The following ADRA1A variants were observed in gnomAD, a reference collection of about 807,000 sequenced individuals.
ADRA1A encodes the protein adrenoceptor alpha 1A, also known as alpha-1A adrenergic receptor.
Under a neutral mutation model 29.6 loss-of-function variants are expected in ADRA1A, and 31 were observed. That is an observed-to-expected ratio of 1.05 (90% CI 0.79 to 1.41). ADRA1A has a LOEUF of 1.41. ADRA1A is among the 40% of genes most tolerant of loss of function. The pLI is 0.00. For missense variants in ADRA1A, 619 were observed against 601.1 expected, an observed-to-expected ratio of 1.03 and a Z score of -0.31; for synonymous variants, 311 against 254.3, an observed-to-expected ratio of 1.22 and a Z score of -2.12.
At position 26,832,721 on chromosome 8, in the gene ADRA1A, C is replaced by T. The variant is rs565658439; in HGVS notation, c.883+31366G>A. The stretch of plus-strand genomic sequence containing the variant: ...AGGCTCTGGGAAGTAGACTCTGAGA[C>T]GGAGGTTTGCCTGCAGGAGGATGTG... On this transcript the variant is annotated intron_variant, in intron 2 of 2. Transcript: ENST00000380573. 9.7e-4 allele frequency among the ~76,000 whole-genome samples: 147 copies of T among 152,232 alleles called. 3 individuals are homozygous for T. The South Asian group carries it at 0.029, about 30-fold the overall frequency.
intron 2 of ADRA1A, among the ~76,000 whole-genome samples, chr8:26,758,581 A>T (rs988334534): frequency 2.0e-5 from 3 of 152,210 alleles, no homozygotes; most frequent in Non-Finnish European, 4.4e-5. Context: ...AAGAGAGGTC[A>T]CGTGATTTGT....
At chr8:26,752,085 T>C (rs73229692), downstream of ADRA1A, among the ~76,000 whole-genome samples, 10,764 of 152,090 alleles carry the variant, frequency 0.071, 412 homozygotes, top group African/African-American at 0.079. Context: ...GTTTTTTTTT[T>C]CCAGAGAGCT....
intron 2 of ADRA1A, among the ~76,000 whole-genome samples, chr8:26,758,536 T>C (rs1805322949): frequency 6.6e-6 from 1 of 152,214 alleles, no homozygotes; most frequent in African/African-American, 2.4e-5. Flanking sequence ...CAATTGTATC[T>C]GCTAATCCCA....
At chr8:26,837,644 C>G (rs1482330264) in intron 2 of ADRA1A, among the ~76,000 whole-genome samples, 1 of 117,524 alleles carries the variant, frequency 8.5e-6, no homozygotes, top group Non-Finnish European at 1.8e-5. Context: ...GAGAGAGACT[C>G]TGTCTCAAAA....
At chr8:26,863,209 C>T (rs773276042) in intron 2 of ADRA1A, among the ~76,000 whole-genome samples, 5 of 152,184 alleles carry the variant, frequency 3.3e-5, no homozygotes, top group Non-Finnish European at 5.9e-5. Flanking sequence ...AAATAGCACA[C>T]AACCATTTTG....
rs1032439611 is a variant in ADRA1A at position 26,769,445 on chromosome 8, G to T, written c.*704C>A. The stretch of plus-strand genomic sequence containing the variant: ...TGGGAAAAGCCATACCACCCTGGTT[G>T]GTTCTTTCAACCCTCTCCTGACCCA... On this transcript the variant is annotated 3_prime_UTR_variant, in exon 3 of 3. Transcript: ENST00000380573. The T allele has an allele frequency of 9.3e-5, 92 of 985,290 alleles. No individual in the cohort carries two copies. Among genetic ancestry groups the T allele is most frequent in the Non-Finnish European group, 1.1e-4 (91 of 829,930 alleles). The allele number at this position is 985,290 out of a possible 1,614,324, so 61.0% of individuals were successfully genotyped here. A position where few individuals can be genotyped will look rare whatever the true frequency, so the allele number is the denominator to read the frequency against.
intron 2 of ADRA1A, chr8:26,756,996 G>A (rs1484313862): frequency 8.2e-6 from 6 of 735,388 alleles, no homozygotes; most frequent in Admixed American, 2.0e-5. Context: ...GTCACATTCT[G>A]CTCCCTGTGA....
intron 2 of ADRA1A, among the ~76,000 whole-genome samples, chr8:26,826,347 T>C (rs1359792511): frequency 6.6e-6 from 1 of 152,230 alleles, no homozygotes; most frequent in African/African-American, 2.4e-5. Flanking sequence ...GCAAAGGCCT[T>C]GGAGTGACCT....
chr8:26,763,270 C>A (rs1805609037), downstream of ADRA1A, among the ~76,000 whole-genome samples: 1 of 152,166 alleles, frequency 6.6e-6, no homozygotes, highest in Admixed American at 6.5e-5. The surrounding 1 kb of genome is among the most constrained non-coding windows in gnomAD (Gnocchi z 4.5). Flanking sequence ...CCCTGAAATT[C>A]TCTTGGGGTC....
At position 26,779,956 on chromosome 8, in the gene ADRA1A, G is replaced by A. The variant is rs115078386; in HGVS notation, c.884-9290C>T. The stretch of plus-strand genomic sequence containing the variant: ...AGGATGGAAAGGGAAGAAACCATGG[G>A]GGAAAATTCCCAGAAATAACTAAAG... On this transcript the variant is annotated intron_variant, in intron 2 of 2. Coordinates refer to ENST00000380573, the MANE Select transcript of ADRA1A (RefSeq NM_000680.4). Among the ~76,000 whole-genome samples, 535 of 152,266 alleles carry A rather than the reference G, an allele frequency of 3.5e-3. 3 individuals are homozygous for A. The highest frequency in any genetic ancestry group is 0.012 in the African/African-American group (517 of 41,550).
intron 2 of ADRA1A, among the ~76,000 whole-genome samples, chr8:26,757,557 G>A (rs1205639486): frequency 6.7e-6 from 1 of 149,580 alleles, no homozygotes; most frequent in Non-Finnish European, 1.5e-5. Context: ...AACACAAGCA[G>A]ACACTCTTTC....
chr8:26,842,901 ACACACACCACT>A (rs1011387055), intron 2 of ADRA1A, among the ~76,000 whole-genome samples: 1 of 136,730 alleles, frequency 7.3e-6, no homozygotes, highest in African/African-American at 2.7e-5. Flanking sequence ...ACACACACAC[ACACACACCACT>A]CAAGGATTAT....
At chr8:26,797,398 G>A (rs1048874974) in intron 2 of ADRA1A, among the ~76,000 whole-genome samples, 2 of 152,076 alleles carry the variant, frequency 1.3e-5, no homozygotes, top group Admixed American at 6.6e-5. Flanking sequence ...CTGGGCTTAA[G>A]CAATCCCCCT....
intron 2 of ADRA1A, among the ~76,000 whole-genome samples, chr8:26,851,810 G>A (rs1812654235): frequency 1.3e-5 from 2 of 151,954 alleles, no homozygotes; most frequent in Non-Finnish European, 2.9e-5. Flanking sequence ...GTAGCAAAGG[G>A]AAACTTTATC....
At position 26,866,804 on chromosome 8, in the gene ADRA1A, A is replaced by T. The variant is rs1421229834; in HGVS notation, c.-687+132T>A. 1.1e-6 allele frequency: 1 copy of T among 875,298 alleles called. No homozygotes were observed. The highest frequency in any genetic ancestry group is 1.4e-6 in the Non-Finnish European group (1 of 729,124). The allele number at this position is 875,298 out of a possible 1,614,324, so 54.2% of individuals were successfully genotyped here. ...TGTAAGGGAATCGGGGGTGGGGTAGAGGGGCCGGTATAAAACCTGGTGGAA... is the reference window on the plus strand; with the variant it reads ...TGTAAGGGAATCGGGGGTGGGGTAGTGGGGCCGGTATAAAACCTGGTGGAA... On this transcript the variant is annotated intron_variant, in intron 1 of 2. Coordinates refer to ENST00000380573, the MANE Select transcript of ADRA1A (RefSeq NM_000680.4). This position sits in a 1 kb window ranked among gnomAD's most constrained non-coding sequence, Gnocchi z 5.7.
chr8:26,851,185 AAGAT>A (rs558974615), intron 2 of ADRA1A, among the ~76,000 whole-genome samples: 103 of 152,360 alleles, frequency 6.8e-4, no homozygotes, highest in Admixed American at 3.5e-3. Flanking sequence ...TATTAACTAA[AAGAT>A]AGAGGTTTTA....
intron 2 of ADRA1A, among the ~76,000 whole-genome samples, chr8:26,837,650 C>A (rs867736596): frequency 6.8e-3 from 867 of 128,218 alleles, no homozygotes; most frequent in Middle Eastern, 0.012. Context: ...GACTCTGTCT[C>A]AAAAAAAAAA....
exon 3 of ADRA1A, chr8:26,756,777 T>A: frequency 1.9e-6 from 3 of 1,613,594 alleles, no homozygotes; most frequent in Non-Finnish European, 2.5e-6. Flanking sequence ...TGGGTGTGTG[T>A]CCCTTTAAAA....
chr8:26,801,591 G>T (rs1254444155), intron 2 of ADRA1A, among the ~76,000 whole-genome samples: 2 of 152,036 alleles, frequency 1.3e-5, no homozygotes, highest in Non-Finnish European at 2.9e-5. Context: ...GAAAACTGTA[G>T]AATACTGACG....
Sources: allele counts gnomAD v4.1 joint callset (sites outside exome capture counted in the v4.1 genomes callset), GRCh38; gene constraint gnomAD v4.1.1; non-coding constraint Gnocchi (gnomAD v3.1); transcripts MANE v1.5; gene names NCBI Gene and HGNC (gene_info 2026-07-23, HGNC 2026-07-21).